Variants in IQSEC3 observed in about 807,000 individuals in gnomAD.
IQSEC3 encodes IQ motif and SEC7 domain-containing protein 3.
Under a neutral mutation model 105.4 loss-of-function variants are expected in IQSEC3, and 50 were observed. The observed-to-expected ratio is 0.47, with a 90% CI of 0.38 to 0.60. The LOEUF is 0.60. Ranked by LOEUF, IQSEC3 falls within the 20% of genes least tolerant of loss-of-function variation. IQSEC3 has a pLI of 0.00. For missense variants in IQSEC3, 1,415 were observed against 1,630.0 expected (o/e 0.87, Z 2.27); for synonymous variants, 708 against 746.0 (o/e 0.95, Z 0.83).
intron 1 of IQSEC3, among the ~76,000 whole-genome samples, chr12:98,853 G>A (rs1368264562): frequency 2.0e-5 from 3 of 152,304 alleles, no homozygotes; most frequent in East Asian, 1.9e-4. Flanking sequence ...AGCCTGCTGC[G>A]GGGAGGGCGT....
intron 1 of IQSEC3, among the ~76,000 whole-genome samples, chr12:81,494 C>G (rs1863743953): frequency 6.6e-6 from 1 of 152,118 alleles, no homozygotes; most frequent in Non-Finnish European, 1.5e-5. Context: ...GATCTGCAGC[C>G]AAGACAACAG....
chr12:166,588 C>T (rs1233973499), intron 11 of IQSEC3, among the ~76,000 whole-genome samples: 3 of 152,110 alleles, frequency 2.0e-5, no homozygotes, highest in Admixed American at 6.6e-5. Flanking sequence ...TTAAGCATCA[C>T]GGAGGCGCCA....
intron 1 of IQSEC3, among the ~76,000 whole-genome samples, chr12:90,802 C>T (rs1375061607): frequency 6.6e-6 from 1 of 152,182 alleles, no homozygotes; most frequent in Non-Finnish European, 1.5e-5. Context: ...CTATCCCCTC[C>T]TCCTCCTCAC....
chr12:102,695 G>T (rs1381112652), intron 2 of IQSEC3, among the ~76,000 whole-genome samples: 1 of 152,120 alleles, frequency 6.6e-6, no homozygotes, highest in African/African-American at 2.4e-5. Flanking sequence ...TGGTGTCAGG[G>T]GAACTCTGTC....
At chr12:125,234 C>T (rs1205504693) in intron 2 of IQSEC3, among the ~76,000 whole-genome samples, 3 of 152,196 alleles carry the variant, frequency 2.0e-5, no homozygotes, top group Non-Finnish European at 4.4e-5. Context: ...CCGCCAGTAT[C>T]CCTGTGAGGT....
At position 174,863 on chromosome 12, in the gene IQSEC3, G is replaced by A; in HGVS notation, c.3379G>A (p.Asp1127Asn). The A allele has an allele frequency of 1.3e-6, 2 of 1,578,686 alleles. No homozygotes were observed. Among genetic ancestry groups the A allele is most frequent in the East Asian group, 2.3e-5 (1 of 43,700 alleles). ...CTCCTGCTACACCTCGTCGTCCTCT[G>A]ACTCCTGCGGCTCCACACCCCTGGG... ...ALSCYTSSSSDSCGSTPLGGP... is the reference protein window; with the variant it reads ...ALSCYTSSSSNSCGSTPLGGP... The change falls in exon 14 of 14, where the codon GAC becomes AAC. Residue 1127 changes from aspartate to asparagine, a missense_variant. Coordinates refer to ENST00000538872, the MANE Select transcript of IQSEC3 (RefSeq NM_001170738.2).
intron 2 of IQSEC3, among the ~76,000 whole-genome samples, chr12:109,314 C>T (rs1864791235): frequency 2.6e-5 from 4 of 152,302 alleles, no homozygotes; most frequent in Admixed American, 2.6e-4. Flanking sequence ...CCCATCCAGC[C>T]CTGCAGCCCT....
chr12:78,351 C>A (rs1464257929), intron 1 of IQSEC3, among the ~76,000 whole-genome samples: 1 of 151,900 alleles, frequency 6.6e-6, no homozygotes, highest in Non-Finnish European at 1.5e-5. Flanking sequence ...GCAGCCGGGG[C>A]TAGTGTGATG....
intron 1 of IQSEC3, among the ~76,000 whole-genome samples, chr12:86,459 G>A (rs1479984895): frequency 1.3e-5 from 2 of 152,122 alleles, no homozygotes; most frequent in Admixed American, 1.3e-4. Flanking sequence ...GGGACAGTGA[G>A]GGCTTACTCA....
In IQSEC3 at chr12:163,376, C is replaced by CCACAGAACTGGACCCCTCCCCAGTCCCCT; in HGVS notation, c.2584-110_2584-109insTGGACCCCTCCCCAGTCCCCTCACAGAAC. 5.3e-5 allele frequency: 8 copies of CCACAGAACTGGACCCCTCCCCAGTCCCCT among 152,378 alleles called. 2 individuals carry two copies. Among genetic ancestry groups the CCACAGAACTGGACCCCTCCCCAGTCCCCT allele is most frequent in the East Asian group, 1.3e-4 (1 of 7,554 alleles). 9.4% of individuals were successfully genotyped at this position (152,378 alleles called of 1,614,324 possible). A position where few individuals can be genotyped will look rare whatever the true frequency, so the allele number is the denominator to read the frequency against. On this transcript the variant is annotated intron_variant, in intron 8 of 13. Coordinates refer to ENST00000538872, the MANE Select transcript of IQSEC3 (RefSeq NM_001170738.2). ...ACCGGACCCCTCCCCTCTCCTCCCT[C>CCACAGAACTGGACCCCTCCCCAGTCCCCT]CACAGAACCGGGCCCCTCCCCTCTC...
chr12:106,213 T>C (rs1864644311), intron 2 of IQSEC3, among the ~76,000 whole-genome samples: 1 of 152,228 alleles, frequency 6.6e-6, no homozygotes, highest in African/African-American at 2.4e-5. Flanking sequence ...GCATGGTCCA[T>C]GTGGCTGATG....
At position 157,090 on chromosome 12, in the gene IQSEC3, C is replaced by A. The variant is rs1555094551; in HGVS notation, c.2219C>A (p.Ala740Glu). The part of the protein sequence containing the change: ...ELDEALRKFQ[A>E]HIRVQGEAQK... Reference sequence around the variant, plus strand: ...GACGAGGCCCTGCGCAAGTTCCAGGCACACATCCGTGTGCAGGGGGAGGCT... The same window carrying A: ...GACGAGGCCCTGCGCAAGTTCCAGGAACACATCCGTGTGCAGGGGGAGGCT... The change falls in exon 6 of 14, where the codon GCA becomes GAA. Residue 740 changes from alanine to glutamate, a missense_variant. Physicochemically the swap from Ala to Glu is moderately radical, Grantham distance 107 (BLOSUM62 -1). Transcript: ENST00000538872. The A allele has an allele frequency of 6.2e-7, 1 of 1,604,976 alleles. No homozygotes were observed. The highest frequency in any genetic ancestry group is 8.5e-7 in the Non-Finnish European group (1 of 1,175,736).
At chr12:130,576 C>G (rs1389767696) in intron 3 of IQSEC3, among the ~76,000 whole-genome samples, 2 of 152,174 alleles carry the variant, frequency 1.3e-5, no homozygotes, top group Admixed American at 6.5e-5. Flanking sequence ...GGGATCAGAG[C>G]CAGCTCCTGG....
At chr12:114,696 A>T (rs1555080285) in intron 2 of IQSEC3, among the ~76,000 whole-genome samples, 1 of 152,232 alleles carries the variant, frequency 6.6e-6, no homozygotes, top group Non-Finnish European at 1.5e-5. Flanking sequence ...TGGGATTAAG[A>T]TCGGAAGCAT....
At chr12:149,562 A>C (rs1010874622) in intron 5 of IQSEC3, among the ~76,000 whole-genome samples, 5 of 152,000 alleles carry the variant, frequency 3.3e-5, no homozygotes, top group Admixed American at 1.3e-4. Context: ...CATTCATCCC[A>C]CAAAACAGTG....
chr12:136,887 G>A (rs1007630961), intron 3 of IQSEC3, among the ~76,000 whole-genome samples: 8 of 152,162 alleles, frequency 5.3e-5, no homozygotes, highest in African/African-American at 1.9e-4. Flanking sequence ...CCTTTCCTGA[G>A]AAGTTTCCAT....
chr12:159,232 C>T (rs1555095473), intron 7 of IQSEC3, among the ~76,000 whole-genome samples: 1 of 152,214 alleles, frequency 6.6e-6, no homozygotes, highest in Non-Finnish European at 1.5e-5. Flanking sequence ...TCCCACCCTA[C>T]GTATCAAGCT....
chr12:131,559 T>A (rs1017300363), intron 3 of IQSEC3, among the ~76,000 whole-genome samples: 38 of 152,138 alleles, frequency 2.5e-4, no homozygotes, highest in African/African-American at 8.7e-4. Context: ...AGTCTGGAAT[T>A]TGATTTCCCT....
intron 1 of IQSEC3, among the ~76,000 whole-genome samples, chr12:88,097 G>A (rs917323091): frequency 5.9e-5 from 9 of 152,188 alleles, no homozygotes; most frequent in Admixed American, 1.3e-4. Context: ...CGGGTTAGAA[G>A]CATGTTTTCT....
Sources: gnomAD v4.1 joint callset for allele counts (sites outside exome capture counted in the v4.1 genomes callset) on GRCh38, gnomAD v4.1.1 for gene constraint, MANE v1.5 for transcripts, NCBI Gene and HGNC (gene_info 2026-07-23, HGNC 2026-07-21) for gene names.